Variants in ARHGEF16 observed in about 807,000 individuals in gnomAD.
ARHGEF16 encodes the protein Rho guanine exchange factor (GEF) 16.
ARHGEF16 carries 59 observed loss-of-function variants against 74.1 expected under a neutral mutation model. That is an observed-to-expected ratio of 0.80 (90% confidence interval 0.65 to 0.99). ARHGEF16 has a LOEUF of 0.99. Among genes scored for constraint, ARHGEF16 ranks in the 50% least tolerant of loss-of-function variants. The pLI is 0.00. For missense variants in ARHGEF16, 948 were observed against 986.6 expected (o/e 0.96, Z 0.52); for synonymous variants, 415 against 412.6 (o/e 1.01, Z -0.07).
chr1:3,459,142 AC>A (rs1394518381), intron 1 of ARHGEF16, among the ~76,000 whole-genome samples: 3 of 152,194 alleles, frequency 2.0e-5, no homozygotes, highest in African/African-American at 4.8e-5. Context: ...CATGGACCCT[AC>A]GGGGGCACAT....
chr1:3,463,247 C>G lies in ARHGEF16; in HGVS notation c.163C>G (p.Pro55Ala). ...RDDAAFQPQV[P>A]APPQPRPPGH... is the part of the protein sequence containing the mutation. ...CGATGCCGCCTTCCAGCCCCAGGTC[C>G]CGGCACCCCCACAGCCTCGGCCCCC... The change falls in exon 2 of 15, where the codon CCG (proline) becomes GCG (alanine). Residue 55 changes from proline to alanine, a missense_variant. Transcript: ENST00000378378. 1 of 1,548,516 alleles carries G rather than the reference C, an allele frequency of 6.5e-7. No homozygotes were observed. The highest frequency in any genetic ancestry group is 8.7e-7 in the Non-Finnish European group (1 of 1,145,672).
intron 7 of ARHGEF16, 51 bp from the exon 8 acceptor site, chr1:3,473,342 G>T: frequency 6.3e-7 from 1 of 1,579,242 alleles, no homozygotes. Context: ...GCCTGATTTT[G>T]GTACAGGCTG....
At chr1:3,478,833 C>T (rs1639972367) in intron 12 of ARHGEF16, among the ~76,000 whole-genome samples, 2 of 151,894 alleles carry the variant, frequency 1.3e-5, no homozygotes, top group African/African-American at 2.4e-5. Flanking sequence ...ACAGTTGGGC[C>T]ACCAGGAGTG....
In ARHGEF16 at chr1:3,469,742, T is replaced by C. The variant is rs940568255; in HGVS notation, c.1022+149T>C. 12 of 1,149,192 alleles carry C rather than the reference T, an allele frequency of 1.0e-5. No homozygotes were observed. In the African/African-American group the frequency reaches 1.7e-4, roughly 16 times the overall value. The allele number at this position is 1,149,192 out of a possible 1,614,324, so 71.2% of individuals were successfully genotyped here. On this transcript the variant is annotated intron_variant, in intron 6 of 14. Transcript: ENST00000378378. ...AGAGCAGCTGCTGGCTCCCGCGGAG[T>C]GTGATGACCTCTGAGGGTCCTTGAG... is the stretch of plus-strand genomic sequence containing the variant.
At chr1:3,463,778 T>A in intron 2 of ARHGEF16, 106 bp downstream of exon 2, 2 of 963,488 alleles carry the variant, frequency 2.1e-6, no homozygotes, top group Non-Finnish European at 1.4e-6. Flanking sequence ...CTGCCGTTAG[T>A]AAGCACCTGC....
chr1:3,467,459 G>A (rs1639580268), intron 4 of ARHGEF16, 122 bp downstream of exon 4: 1 of 1,226,728 alleles, frequency 8.2e-7, no homozygotes. Flanking sequence ...TCCCAGGGAG[G>A]GTGGGCAGCC....
chr1:3,467,819 G>A (rs1220348977), intron 4 of ARHGEF16, among the ~76,000 whole-genome samples: 2 of 152,184 alleles, frequency 1.3e-5, no homozygotes, highest in African/African-American at 4.8e-5. Flanking sequence ...CCATGCTTGG[G>A]GGAGATGGCT....
intron 10 of ARHGEF16, 31 bp from the exon 11 acceptor site, chr1:3,477,844 T>G: frequency 6.2e-7 from 1 of 1,610,042 alleles, no homozygotes; most frequent in Non-Finnish European, 8.5e-7. Flanking sequence ...TCCCTCGCAC[T>G]GATCTCCGCC....
chr1:3,468,063 G>A (rs2100743700), intron 4 of ARHGEF16, among the ~76,000 whole-genome samples: 2 of 152,310 alleles, frequency 1.3e-5, no homozygotes, highest in African/African-American at 4.8e-5. Flanking sequence ...AGGGCAGGCA[G>A]CGGGCAGCCT....
chr1:3,465,731 T>A (rs567656529), intron 2 of ARHGEF16, among the ~76,000 whole-genome samples: 1 of 152,302 alleles, frequency 6.6e-6, no homozygotes, highest in South Asian at 2.1e-4. Flanking sequence ...GGCCTCCTGC[T>A]GGGGCCCCCA....
At chr1:3,457,792 T>G (rs540078190) in intron 1 of ARHGEF16, among the ~76,000 whole-genome samples, 78 of 152,312 alleles carry the variant, frequency 5.1e-4, no homozygotes, top group African/African-American at 1.8e-3. Context: ...TCGCCTCTGC[T>G]GCACGCCTCC....
chr1:3,468,719 G>A (rs1639618754), intron 4 of ARHGEF16, 161 bp from the exon 5 acceptor site: 1 of 735,498 alleles, frequency 1.4e-6, no homozygotes, highest in East Asian at 2.7e-5. Flanking sequence ...ACGGGGATAG[G>A]CCCTCGGCAG....
At position 3,476,068 on chromosome 1, in the gene ARHGEF16, T is replaced by C; in HGVS notation, c.1473+6T>C. The C allele has an allele frequency of 1.9e-6, 3 of 1,549,922 alleles. No individual in the cohort carries two copies. The South Asian group carries it at 3.6e-5, about 18-fold the overall frequency. ...TGGACTTCAGCAAGGTCAAGGTAGGTGGCCCCGGACATCAGGGCCACTCGG... is the reference window on the plus strand; with the variant it reads ...TGGACTTCAGCAAGGTCAAGGTAGGCGGCCCCGGACATCAGGGCCACTCGG... On this transcript the variant is annotated splice_donor_region_variant and intron_variant, in intron 10 of 14. Transcript: ENST00000378378.
chr1:3,480,895 C>T lies in ARHGEF16; in HGVS notation c.*308C>T. 2.2e-6 allele frequency: 1 copy of T among 463,098 alleles called. No individual in the cohort carries two copies. The highest frequency in any genetic ancestry group is 3.9e-6 in the Non-Finnish European group (1 of 256,508). The allele number at this position is 463,098 out of a possible 1,614,324, so 28.7% of individuals were successfully genotyped here. Reference sequence around the variant, plus strand: ...CCTCCCCACTGCACCCAGGGGGCAACTCCACCTGGACTGATGGGCACAGGA... The same window carrying T: ...CCTCCCCACTGCACCCAGGGGGCAATTCCACCTGGACTGATGGGCACAGGA... On this transcript the variant is annotated 3_prime_UTR_variant, in exon 15 of 15. Coordinates refer to ENST00000378378, the MANE Select transcript of ARHGEF16 (RefSeq NM_014448.4).
intron 10 of ARHGEF16, among the ~76,000 whole-genome samples, chr1:3,477,064 G>A (rs2100758294): frequency 6.6e-6 from 1 of 151,934 alleles, no homozygotes; most frequent in Middle Eastern, 3.4e-3. Context: ...GGAAACGGGT[G>A]TGGGGGTGGG....
intron 11 of ARHGEF16, 25 bp from the exon 12 acceptor site, chr1:3,478,399 C>T (rs1467608059): frequency 1.3e-6 from 2 of 1,569,920 alleles, no homozygotes; most frequent in Non-Finnish European, 1.7e-6. Context: ...TGGGACCGTC[C>T]CACCGACTGC....
In ARHGEF16 at chr1:3,458,732, G is replaced by A. The variant is rs112632536; in HGVS notation, c.-20+3921G>A. The stretch of plus-strand genomic sequence containing the variant: ...GAGGCCAGCAGAGGCGGAGACAGGA[G>A]GAAGTATGTGGCAGGGGCGCAGCTC... On this transcript the variant is annotated intron_variant, in intron 1 of 14. Coordinates refer to ENST00000378378, the MANE Select transcript of ARHGEF16 (RefSeq NM_014448.4). 1.9e-3 allele frequency among the ~76,000 whole-genome samples: 296 copies of A among 152,350 alleles called. 3 individuals carry two copies. The highest frequency in any genetic ancestry group is 6.8e-3 in the Middle Eastern group (2 of 294).
chr1:3,469,476 G>A lies in ARHGEF16; in HGVS notation c.905G>A (p.Ser302Asn). 6.2e-7 allele frequency: 1 copy of A among 1,613,188 alleles called. No homozygotes were observed. Among genetic ancestry groups the A allele is most frequent in the Non-Finnish European group, 8.5e-7 (1 of 1,179,992 alleles). The change falls in exon 6 of 15, where the codon AGC becomes AAC. Residue 302 changes from serine to asparagine, a missense_variant. Coordinates refer to ENST00000378378, the MANE Select transcript of ARHGEF16 (RefSeq NM_014448.4). ...ILTSEFSYQH[S>N]LSILVEEFLQ... The stretch of plus-strand genomic sequence containing the variant: ...ACGTCGGAGTTCTCCTACCAGCACA[G>A]CCTGAGCATCCTGGTGGAGGAGTTC...
intron 2 of ARHGEF16, among the ~76,000 whole-genome samples, chr1:3,465,576 A>C (rs1296742945): frequency 9.2e-6 from 1 of 109,264 alleles, no homozygotes; most frequent in Non-Finnish European, 2.2e-5. Context: ...CGTTCCGAGA[A>C]ATCAGCCCCT....
Sources: allele counts gnomAD v4.1 joint callset (sites outside exome capture counted in the v4.1 genomes callset), GRCh38; gene constraint gnomAD v4.1.1; transcripts MANE v1.5; gene names NCBI Gene and HGNC (gene_info 2026-07-23, HGNC 2026-07-21).